Variants in MGAT4C observed in about 807,000 individuals in gnomAD.
The protein encoded by MGAT4C is alpha-1,3-mannosyl-glycoprotein 4-beta-N-acetylglucosaminyltransferase C.
MGAT4C carries 19 observed loss-of-function variants against 40.1 expected under a neutral mutation model. The observed-to-expected ratio is 0.47, with a 90% CI of 0.33 to 0.70. MGAT4C has a LOEUF of 0.70. Ranked by LOEUF, MGAT4C falls within the 30% of genes least tolerant of loss-of-function variation. The pLI is 0.02. For synonymous variants in MGAT4C, 181 were observed against 187.1 expected, an observed-to-expected ratio of 0.97 and a Z score of 0.27; for missense variants, 491 against 563.2, an observed-to-expected ratio of 0.87 and a Z score of 1.30.
chr12:86,508,494 T>C (rs1333907611), intron 2 of MGAT4C, among the ~76,000 whole-genome samples: 1 of 152,136 alleles, frequency 6.6e-6, no homozygotes, highest in African/African-American at 2.4e-5. Flanking sequence ...GTCTTTGCTA[T>C]TGTGAATAAT....
intron 4 of MGAT4C, among the ~76,000 whole-genome samples, chr12:86,261,873 G>A (rs1396806599): frequency 6.6e-6 from 1 of 151,984 alleles, no homozygotes; most frequent in Non-Finnish European, 1.5e-5. Context: ...TTCATGCCTT[G>A]TTTAAAATCC....
chr12:86,274,659 C>G (rs984054463), intron 4 of MGAT4C, among the ~76,000 whole-genome samples: 1 of 152,126 alleles, frequency 6.6e-6, no homozygotes, highest in Non-Finnish European at 1.5e-5. Context: ...TTTTCATGGG[C>G]TATATGAAAA....
intron 2 of MGAT4C, among the ~76,000 whole-genome samples, chr12:86,011,056 T>C (rs1300516251): frequency 6.6e-6 from 1 of 152,168 alleles, no homozygotes; most frequent in Non-Finnish European, 1.5e-5. Context: ...TATGTATAAA[T>C]TACCCAGTCT....
At chr12:86,636,318 A>G (rs1963217967) in intron 2 of MGAT4C, among the ~76,000 whole-genome samples, 1 of 151,978 alleles carries the variant, frequency 6.6e-6, no homozygotes, top group Admixed American at 6.6e-5. Flanking sequence ...AAAATTATAA[A>G]CCTTCCACAG....
At chr12:86,322,731 C>A (rs1954426164) in intron 4 of MGAT4C, among the ~76,000 whole-genome samples, 1 of 151,938 alleles carries the variant, frequency 6.6e-6, no homozygotes, top group South Asian at 2.1e-4. Context: ...CTAAATATTA[C>A]CTTCTAGCAT....
At chr12:86,373,145 A>C (rs1424774930) in intron 3 of MGAT4C, among the ~76,000 whole-genome samples, 2 of 151,914 alleles carry the variant, frequency 1.3e-5, no homozygotes, top group African/African-American at 4.8e-5. Context: ...ACAAGTGAGA[A>C]GTCTGAAGCT....
At position 85,956,577 on chromosome 12, in the gene MGAT4C, T is replaced by C. The variant is rs1014520404; in HGVS notation, c.*22712A>G. The C allele has an allele frequency of 6.6e-6, 1 of 152,204 alleles. No individual in the cohort carries two copies. Among genetic ancestry groups the C allele is most frequent in the Non-Finnish European group, 1.5e-5 (1 of 68,022 alleles). The allele number at this position is 152,204 out of a possible 1,614,324, so 9.4% of individuals were successfully genotyped here. A position where few individuals can be genotyped will look rare whatever the true frequency, so the allele number is the denominator to read the frequency against. On this transcript the variant is annotated 3_prime_UTR_variant, in exon 5 of 5. Transcript: ENST00000611864. ...GATTACATTTAGTCTTTAGAAAATA[T>C]TTGATTCAATCAAACAGCATTACTT...
intron 4 of MGAT4C, among the ~76,000 whole-genome samples, chr12:86,300,184 T>A (rs1592667667): frequency 1.3e-5 from 2 of 152,176 alleles, no homozygotes; most frequent in African/African-American, 4.8e-5. Context: ...TGCATCCAAT[T>A]TTTTTCTATT....
At chr12:86,651,864 C>T (rs1456856059) in intron 2 of MGAT4C, among the ~76,000 whole-genome samples, 1 of 151,698 alleles carries the variant, frequency 6.6e-6, no homozygotes, top group Non-Finnish European at 1.5e-5. Context: ...GTGAGAATTA[C>T]AGAAAATATG....
At chr12:86,348,009 G>A (rs556995183) in intron 3 of MGAT4C, among the ~76,000 whole-genome samples, 2 of 152,152 alleles carry the variant, frequency 1.3e-5, no homozygotes, top group South Asian at 4.2e-4. Context: ...TTATTTGAAA[G>A]ATACACACAC....
intron 2 of MGAT4C, among the ~76,000 whole-genome samples, chr12:86,722,600 T>A (rs986068454): frequency 6.6e-6 from 1 of 152,110 alleles, no homozygotes; most frequent in Non-Finnish European, 1.5e-5. Flanking sequence ...AAGTCAATAG[T>A]TTTTAAGGGA....
At chr12:86,413,574 G>T (rs973967849) in intron 3 of MGAT4C, among the ~76,000 whole-genome samples, 5 of 152,214 alleles carry the variant, frequency 3.3e-5, no homozygotes, top group African/African-American at 1.2e-4. Context: ...TTTTGTTGCT[G>T]AAATAGAAAA....
intron 2 of MGAT4C, among the ~76,000 whole-genome samples, chr12:86,000,116 AC>A (rs1466837389): frequency 1.3e-5 from 2 of 152,234 alleles, no homozygotes; most frequent in African/African-American, 4.8e-5. Flanking sequence ...ACTGTACCAC[AC>A]AAATATGTAA....
At chr12:86,459,238 T>C (rs1273067646) in intron 2 of MGAT4C, among the ~76,000 whole-genome samples, 1 of 152,192 alleles carries the variant, frequency 6.6e-6, no homozygotes, top group Non-Finnish European at 1.5e-5. Context: ...CCAAAATTCC[T>C]GCTCCTGGTG....
chr12:86,313,391 T>A (rs1954125639), intron 4 of MGAT4C, among the ~76,000 whole-genome samples: 3 of 152,186 alleles, frequency 2.0e-5, no homozygotes. Context: ...TTATCCTCTT[T>A]TCAAAATCAT....
intron 4 of MGAT4C, among the ~76,000 whole-genome samples, chr12:86,311,884 G>A (rs1438153823): frequency 6.6e-6 from 1 of 152,132 alleles, no homozygotes; most frequent in Non-Finnish European, 1.5e-5. Context: ...ACTCCAGCAA[G>A]GGCCTGGACA....
intron 1 of MGAT4C, among the ~76,000 whole-genome samples, chr12:86,053,999 T>C (rs1289462809): frequency 6.6e-6 from 1 of 151,938 alleles, no homozygotes; most frequent in Non-Finnish European, 1.5e-5. Context: ...GGTGGGGATG[T>C]AAATTAGTAC....
chr12:86,639,672 A>C (rs1436358308), intron 2 of MGAT4C, among the ~76,000 whole-genome samples: 2 of 151,756 alleles, frequency 1.3e-5, no homozygotes, highest in African/African-American at 2.4e-5. Flanking sequence ...TATCTGGCAT[A>C]ATGGTTGCTC....
chr12:86,256,129 T>G (rs1952505767), intron 1 of MGAT4C, 110 bp downstream of exon 1: 1 of 152,130 alleles, frequency 6.6e-6, no homozygotes, highest in African/African-American at 2.4e-5. Context: ...TAAACATTCC[T>G]GAATAAAAGC....
Sources: gnomAD v4.1 joint callset for allele counts (sites outside exome capture counted in the v4.1 genomes callset) on GRCh38, gnomAD v4.1.1 for gene constraint, MANE v1.5 for transcripts, NCBI Gene and HGNC (gene_info 2026-07-23, HGNC 2026-07-21) for gene names.